The following CHAF1A variants were observed in gnomAD, a reference collection of about 807,000 sequenced individuals.
The protein encoded by CHAF1A is chromatin assembly factor 1 subunit A.
A neutral mutation model predicts 93.2 loss-of-function variants in CHAF1A; 5 were observed. That is an observed-to-expected ratio of 0.05 (90% CI 0.03 to 0.11). CHAF1A has a LOEUF of 0.11. Ranked by LOEUF, CHAF1A falls within the 10% of genes least tolerant of loss-of-function variation. The pLI is 1.00. For missense variants in CHAF1A, 1,102 were observed against 1,259.9 expected (o/e 0.87, Z 1.90); for synonymous variants, 504 against 510.3 (o/e 0.99, Z 0.17).
intron 1 of CHAF1A, among the ~76,000 whole-genome samples, chr19:4,403,821 G>A (rs1232451612): frequency 6.6e-6 from 1 of 152,220 alleles, no homozygotes; most frequent in Non-Finnish European, 1.5e-5. Flanking sequence ...GTACTGTCGT[G>A]GAGCTGTGAT....
intron 1 of CHAF1A, among the ~76,000 whole-genome samples, chr19:4,405,599 CTCTG>C (rs1244023709): frequency 6.7e-6 from 1 of 149,176 alleles, no homozygotes; most frequent in Non-Finnish European, 1.5e-5. Flanking sequence ...CAGAGTGAGA[CTCTG>C]TCTCCAAAAA....
At chr19:4,425,828 C>G (rs1235923678) in intron 7 of CHAF1A, among the ~76,000 whole-genome samples, 2 of 152,200 alleles carry the variant, frequency 1.3e-5, no homozygotes, top group African/African-American at 4.8e-5. Flanking sequence ...CTCAGATGTA[C>G]ATTCCCGGCG....
Position 4,409,174 on chromosome 19 carries a change from G to T in CHAF1A, c.375G>T (p.Glu125Asp). ...TTGATTTGACAGAGGACTCGAATGA[G>T]CAGCCAGACAGTCTTGTGGACCACA... ...VIIDLTEDSN[E>D]QPDSLVDHNK... The change falls in exon 3 of 15, where the codon GAG (glutamate) becomes GAT (aspartate). Residue 125 changes from glutamate (E) to aspartate (D), a missense_variant. Glu to Asp is a conservative substitution (Grantham distance 45, BLOSUM62 2). Around this residue, in one of 6 missense-constraint regions of CHAF1A, gnomAD observed 379 missense variants for 365.7 expected, o/e 1.04. Transcript: ENST00000301280. 6.2e-7 allele frequency: 1 copy of T among 1,614,204 alleles called. No homozygotes were observed.
At chr19:4,435,449 T>C (rs1974267031) in intron 13 of CHAF1A, among the ~76,000 whole-genome samples, 1 of 151,830 alleles carries the variant, frequency 6.6e-6, no homozygotes, top group Non-Finnish European at 1.5e-5. Flanking sequence ...CACCACTCAC[T>C]GCAGCCTTGA....
chr19:4,433,069 G>T lies in CHAF1A; in HGVS notation c.2204-1G>T. 1 of 1,559,176 alleles carries T rather than the reference G, an allele frequency of 6.4e-7. No homozygotes were observed. On this transcript the variant is annotated splice_acceptor_variant, in intron 12 of 14. Transcript: ENST00000301280. LOFTEE classifies it high-confidence loss of function. The surrounding 1 kb of genome is among the most constrained non-coding windows in gnomAD (Gnocchi z 5.6). ...TGCCCACCCATGTTCCCTCCTGCCA[G>T]TCCTGGCCCAGCTGCTGCCGCTCCT... is the stretch of plus-strand genomic sequence containing the variant.
At chr19:4,410,684 C>T (rs1275979141) in intron 3 of CHAF1A, among the ~76,000 whole-genome samples, 1 of 152,050 alleles carries the variant, frequency 6.6e-6, no homozygotes, top group East Asian at 1.9e-4. Flanking sequence ...CCCAGCCCTG[C>T]AAAAAAATTT....
At chr19:4,435,327 C>G (rs1469259416) in intron 13 of CHAF1A, among the ~76,000 whole-genome samples, 1 of 151,886 alleles carries the variant, frequency 6.6e-6, no homozygotes, top group Non-Finnish European at 1.5e-5. Flanking sequence ...ATCCGCCCGC[C>G]TTAGCCTTCC....
intron 1 of CHAF1A, among the ~76,000 whole-genome samples, 175 bp downstream of exon 1, chr19:4,402,989 C>T (rs997722421): frequency 4.2e-4 from 64 of 152,198 alleles, no homozygotes; most frequent in African/African-American, 1.5e-3. Flanking sequence ...CCAAGGGCAC[C>T]CTTGTTGACG....
downstream of CHAF1A, chr19:4,446,482 C>T (rs374622332): frequency 1.4e-5 from 23 of 1,599,264 alleles, no homozygotes; most frequent in Middle Eastern, 1.7e-4. Flanking sequence ...CACTCTGCTC[C>T]GCGGACGTCA....
At chr19:4,408,746 T>C (rs897883035) in intron 2 of CHAF1A, 157 bp from the exon 3 acceptor site, 4 of 878,474 alleles carry the variant, frequency 4.6e-6, no homozygotes, top group Non-Finnish European at 6.8e-6. Context: ...AGTGCTGGGA[T>C]TACAGGCATG....
chr19:4,446,399 T>A, downstream of CHAF1A: 1 of 1,578,822 alleles, frequency 6.3e-7, no homozygotes, highest in Non-Finnish European at 8.6e-7. Flanking sequence ...GCTCAGCCGC[T>A]CCACCGCCTC....
chr19:4,426,292 C>T (rs1054374278), intron 7 of CHAF1A, among the ~76,000 whole-genome samples: 2 of 151,480 alleles, frequency 1.3e-5, no homozygotes, highest in East Asian at 3.9e-4. Flanking sequence ...CTCAGCCTCC[C>T]GAGTAGCTGG....
intron 12 of CHAF1A, among the ~76,000 whole-genome samples, chr19:4,432,530 G>A (rs1031222089): frequency 6.6e-6 from 1 of 152,104 alleles, no homozygotes; most frequent in South Asian, 2.1e-4. Flanking sequence ...GGAGGCCAAG[G>A]TGGGAGGATC....
At chr19:4,447,068 G>A, downstream of CHAF1A, 3 of 703,200 alleles carry the variant, frequency 4.3e-6, no homozygotes, top group Non-Finnish European at 7.2e-6. Flanking sequence ...CTCAGTGCTG[G>A]ATGCAAACCT....
At chr19:4,447,528 G>T (rs200183933), downstream of CHAF1A, 106 of 1,611,238 alleles carry the variant, frequency 6.6e-5, no homozygotes, top group Admixed American at 1.3e-4. Context: ...CCTGGGCCCC[G>T]GGGGCCAGAA....
chr19:4,404,294 A>G (rs982382952), intron 1 of CHAF1A, among the ~76,000 whole-genome samples: 6 of 152,194 alleles, frequency 3.9e-5, no homozygotes, highest in African/African-American at 1.4e-4. Flanking sequence ...GGATCTCTGG[A>G]TTGGGAGTGT....
intron 2 of CHAF1A, 91 bp from the exon 3 acceptor site, chr19:4,408,812 C>T: frequency 1.4e-6 from 2 of 1,459,472 alleles, no homozygotes; most frequent in Admixed American, 2.3e-5. Flanking sequence ...TATCTCCCAC[C>T]CCCATGTCCC....
chr19:4,408,461 C>CTTTTTTTTTTTTTTTTTTTTTTTTTTT lies in CHAF1A; in HGVS notation c.104-438_104-412dup, dbSNP rs778100682. ...CCTGCCTTGGCCTCCCGCACCCGGC[C>CTTTTTTTTTTTTTTTTTTTTTTTTTTT]TTTTTTTTTTTTTTTTTTTTTTTTT... is the stretch of plus-strand genomic sequence containing the variant. On this transcript the variant is annotated intron_variant, in intron 2 of 14. Transcript: ENST00000301280. Among the ~76,000 whole-genome samples, 8 of 36,020 alleles carry CTTTTTTTTTTTTTTTTTTTTTTTTTTT rather than the reference C, an allele frequency of 2.2e-4. 3 individuals are homozygous for CTTTTTTTTTTTTTTTTTTTTTTTTTTT. Among genetic ancestry groups the CTTTTTTTTTTTTTTTTTTTTTTTTTTT allele is most frequent in the African/African-American group, 8.4e-4 (5 of 5,962 alleles). 23.6% of individuals were successfully genotyped at this position (36,020 alleles called of 152,430 possible).
At chr19:4,430,997 A>G (rs1175991445) in intron 11 of CHAF1A, 1 of 234,110 alleles carries the variant, frequency 4.3e-6, no homozygotes, top group Admixed American at 5.1e-5. Context: ...TGACGTAACA[A>G]TCAAGTGAAT....
Sources: allele counts gnomAD v4.1 joint callset (sites outside exome capture counted in the v4.1 genomes callset), GRCh38; gene constraint gnomAD v4.1.1; regional missense constraint gnomAD v4.1.1; non-coding constraint Gnocchi (gnomAD v3.1); transcripts MANE v1.5; gene names NCBI Gene and HGNC (gene_info 2026-07-23, HGNC 2026-07-21).